The following DENND2A variants were observed in gnomAD, a reference collection of about 807,000 sequenced individuals.
DENND2A encodes the protein DENN domain containing 2A, also known as DENN domain-containing protein 2A.
A neutral mutation model predicts 105.3 loss-of-function variants in DENND2A; 53 were observed. The observed-to-expected ratio is 0.50, with a 90% CI of 0.40 to 0.63. The LOEUF (loss-of-function observed/expected upper bound fraction) is 0.63, where lower values mean the gene tolerates loss of function less well. Ranked by LOEUF, DENND2A falls within the 30% of genes least tolerant of loss-of-function variation. The pLI is 0.00. For synonymous variants in DENND2A, 522 were observed against 508.4 expected, an observed-to-expected ratio of 1.03 and a Z score of -0.36; for missense variants, 1,138 against 1,279.6, an observed-to-expected ratio of 0.89 and a Z score of 1.69.
At chr7:140,603,829 G>A (rs910723113) in intron 2 of DENND2A, among the ~76,000 whole-genome samples, 2 of 152,166 alleles carry the variant, frequency 1.3e-5, no homozygotes, top group South Asian at 4.1e-4. Context: ...ACTCAGAAGC[G>A]CCATGTGGCT....
intron 6 of DENND2A, among the ~76,000 whole-genome samples, chr7:140,572,146 C>A (rs779940402): frequency 9.2e-5 from 14 of 152,092 alleles, no homozygotes; most frequent in Non-Finnish European, 1.9e-4. Flanking sequence ...GCTGGGACTA[C>A]AAGTGCACAC....
intron 2 of DENND2A, among the ~76,000 whole-genome samples, chr7:140,604,298 C>T (rs993582897): frequency 6.6e-6 from 1 of 152,254 alleles, no homozygotes; most frequent in Non-Finnish European, 1.5e-5. Context: ...TAAATTACGC[C>T]ACTGTTCTTG....
chr7:140,628,873 T>A (rs1004536039), intron 1 of DENND2A, among the ~76,000 whole-genome samples: 1 of 152,184 alleles, frequency 6.6e-6, no homozygotes, highest in African/African-American at 2.4e-5. Flanking sequence ...TGAGCCAGCA[T>A]TGATCAGTTT....
intron 12 of DENND2A, among the ~76,000 whole-genome samples, chr7:140,550,634 G>A (rs980398111): frequency 4.6e-5 from 7 of 151,890 alleles, no homozygotes; most frequent in Non-Finnish European, 1.0e-4. Flanking sequence ...GCTAATTTTC[G>A]TAATTTTAGT....
intron 3 of DENND2A, among the ~76,000 whole-genome samples, chr7:140,598,257 A>C (rs1462523735): frequency 6.6e-6 from 1 of 152,168 alleles, no homozygotes; most frequent in Non-Finnish European, 1.5e-5. Flanking sequence ...GTACTTTAAC[A>C]AAAATCTAAT....
Position 140,566,105 on chromosome 7 carries a change from C to T in DENND2A, c.1779+981G>A, listed in dbSNP as rs187773418. On this transcript the variant is annotated intron_variant, in intron 9 of 19. Coordinates refer to ENST00000496613, the MANE Select transcript of DENND2A (RefSeq NM_015689.5). The stretch of plus-strand genomic sequence containing the variant: ...TCCTTTACTTTTTGCAATCTCTGCT[C>T]ACTGCAAGCTCTGCCTCCTGAGTTC... Among the ~76,000 whole-genome samples the T allele has an allele frequency of 6.6e-3, 1,011 of 152,310 alleles. 13 individuals carry two copies. The highest frequency in any genetic ancestry group is 0.023 in the African/African-American group (975 of 41,576).
At chr7:140,544,304 C>A in intron 14 of DENND2A, 1 of 460,788 alleles carries the variant, frequency 2.2e-6, no homozygotes, top group Non-Finnish European at 4.0e-6. Context: ...AATCGATTCC[C>A]GTGCCTCAGC....
chr7:140,554,915 T>C (rs927251950), intron 12 of DENND2A, among the ~76,000 whole-genome samples: 2 of 152,244 alleles, frequency 1.3e-5, no homozygotes, highest in African/African-American at 2.4e-5. Context: ...AAAACTGTTA[T>C]ATATACATGA....
intron 16 of DENND2A, among the ~76,000 whole-genome samples, chr7:140,524,017 G>T (rs1328138300): frequency 6.6e-6 from 1 of 152,136 alleles, no homozygotes; most frequent in African/African-American, 2.4e-5. Context: ...CTCAATAGAT[G>T]ATTTCCACTG....
At chr7:140,573,509 T>C (rs1253101787) in intron 6 of DENND2A, among the ~76,000 whole-genome samples, 1 of 152,182 alleles carries the variant, frequency 6.6e-6, no homozygotes, top group African/African-American at 2.4e-5. Context: ...CTGTTTTTTG[T>C]GGCGGTGAAG....
At chr7:140,553,782 C>T (rs189489718) in intron 12 of DENND2A, among the ~76,000 whole-genome samples, 1 of 152,236 alleles carries the variant, frequency 6.6e-6, no homozygotes, top group Non-Finnish European at 1.5e-5. Flanking sequence ...TGAGTGGACA[C>T]AGCACGTTTC....
chr7:140,567,212 T>G lies in DENND2A; in HGVS notation c.1653A>C (p.Ser551=). 1 of 1,613,264 alleles carries G rather than the reference T, an allele frequency of 6.2e-7. No homozygotes were observed. Among genetic ancestry groups the G allele is most frequent in the Non-Finnish European group, 8.5e-7 (1 of 1,179,878 alleles). ...SRLKQAPRYP[S]LARELIEYQE... ...GGTACTCGATGAGTTCCCGGGCAAG[T>G]GATGGGTACCGAGGCGCCTGCTTCA... Residue 551 remains serine, a synonymous_variant, in exon 9 of 20, where the codon TCA becomes TCC. Coordinates refer to ENST00000496613, the MANE Select transcript of DENND2A (RefSeq NM_015689.5).
chr7:140,630,014 C>T (rs1800677787), intron 1 of DENND2A, among the ~76,000 whole-genome samples: 1 of 152,014 alleles, frequency 6.6e-6, no homozygotes, highest in African/African-American at 2.4e-5. Context: ...GTGCCTGCCA[C>T]CATGCCCGGC....
intron 14 of DENND2A, among the ~76,000 whole-genome samples, chr7:140,539,377 G>A (rs1364248119): frequency 6.6e-6 from 1 of 152,214 alleles, no homozygotes; most frequent in Admixed American, 6.5e-5. Context: ...GCCAAAGGCT[G>A]TAAGGGAGGC....
chr7:140,521,203 C>T (rs1365346655), intron 18 of DENND2A, among the ~76,000 whole-genome samples: 1 of 151,976 alleles, frequency 6.6e-6, no homozygotes, highest in Non-Finnish European at 1.5e-5. Flanking sequence ...TTGTGTGTCT[C>T]ACACCTCTCT....
chr7:140,617,356 C>T (rs1157402163), intron 1 of DENND2A, among the ~76,000 whole-genome samples: 1 of 152,180 alleles, frequency 6.6e-6, no homozygotes, highest in Non-Finnish European at 1.5e-5. Context: ...GGCCTCAGGA[C>T]CAGGAGCATC....
At chr7:140,608,969 G>A (rs145236837) in intron 1 of DENND2A, among the ~76,000 whole-genome samples, 38 of 152,188 alleles carry the variant, frequency 2.5e-4, no homozygotes, top group Middle Eastern at 3.4e-3. Flanking sequence ...ATCAAAGGTC[G>A]CAGAGGCCAA....
chr7:140,623,670 G>A (rs1800387546), intron 1 of DENND2A, among the ~76,000 whole-genome samples: 1 of 150,690 alleles, frequency 6.6e-6, no homozygotes, highest in Admixed American at 6.6e-5. Context: ...ACAGGTTGCA[G>A]TGAGCCGAGA....
intron 3 of DENND2A, among the ~76,000 whole-genome samples, chr7:140,597,113 AGAG>A (rs1442739914): frequency 1.3e-5 from 2 of 152,202 alleles, no homozygotes; most frequent in Non-Finnish European, 2.9e-5. Context: ...AGGAAAGAGA[AGAG>A]GAGAAAAGAA....
Sources: gnomAD v4.1 joint callset for allele counts (sites outside exome capture counted in the v4.1 genomes callset) on GRCh38, gnomAD v4.1.1 for gene constraint, MANE v1.5 for transcripts, NCBI Gene and HGNC (gene_info 2026-07-23, HGNC 2026-07-21) for gene names.